WDFY3: variants seen among roughly 807,000 people sequenced by gnomAD.
WDFY3 encodes the protein WD repeat and FYVE domain containing 3.
WDFY3 carries 66 observed loss-of-function variants against 409.6 expected under a neutral mutation model. That is an observed-to-expected ratio of 0.16 (90% CI 0.13 to 0.20). The LOEUF is 0.20. Among genes scored for constraint, WDFY3 ranks in the 10% least tolerant of loss-of-function variants. The pLI is 1.00. For missense variants in WDFY3, 3,031 were observed against 4,298.1 expected (o/e 0.71, Z 8.24); for synonymous variants, 1,521 against 1,537.1 (o/e 0.99, Z 0.25).
At chr4:84,893,881 T>C (rs561140171) in intron 3 of WDFY3, among the ~76,000 whole-genome samples, 2 of 151,952 alleles carry the variant, frequency 1.3e-5, no homozygotes. Flanking sequence ...TCCCAGCTAC[T>C]CAGGAGGCTG....
At chr4:84,930,538 T>C (rs950726939) in intron 2 of WDFY3, among the ~76,000 whole-genome samples, 53 of 152,188 alleles carry the variant, frequency 3.5e-4, no homozygotes, top group African/African-American at 1.1e-3. Flanking sequence ...CTGAATAAAT[T>C]GAGGTGCACA....
rs942156903 is a variant in WDFY3 at position 84,875,651 on chromosome 4, G to A, written c.-31-15029C>T. On this transcript the variant is annotated intron_variant, in intron 3 of 67. Transcript: ENST00000295888. ...TTAAAACACAAACACACTGTACAGT[G>A]GTACAAAAATGTTTTTTCTTTATAT... Among the ~76,000 whole-genome samples the A allele has an allele frequency of 8.6e-5, 13 of 152,028 alleles. No homozygotes were observed. In the South Asian group the frequency reaches 2.1e-3, roughly 24 times the overall value.
intron 18 of WDFY3, among the ~76,000 whole-genome samples, chr4:84,797,197 T>C (rs1483202299): frequency 2.0e-5 from 3 of 152,162 alleles, no homozygotes; most frequent in Non-Finnish European, 4.4e-5. Flanking sequence ...TAGAGATAAA[T>C]GGCAGAAACT....
chr4:84,830,039 C>A (rs953324801), intron 8 of WDFY3, among the ~76,000 whole-genome samples: 2 of 152,044 alleles, frequency 1.3e-5, no homozygotes, highest in African/African-American at 4.8e-5. Flanking sequence ...TAAAGAAACT[C>A]ACTGTTACAT....
intron 25 of WDFY3, among the ~76,000 whole-genome samples, chr4:84,782,320 G>T (rs551300296): frequency 6.6e-6 from 1 of 151,950 alleles, no homozygotes; most frequent in Non-Finnish European, 1.5e-5. Flanking sequence ...AAAGTTACAC[G>T]AAATTATATA....
rs869074191 is a variant in WDFY3 at position 84,850,928 on chromosome 4, G to GTTTTTTTTTTTTTTTTTTTTTTTTTT, written c.181-929_181-904dup. 7.4e-4 allele frequency among the ~76,000 whole-genome samples: 34 copies of GTTTTTTTTTTTTTTTTTTTTTTTTTT among 46,250 alleles called. 7 individuals carry two copies. The highest frequency in any genetic ancestry group is 1.0e-3 in the Non-Finnish European group (26 of 25,882). The allele number at this position is 46,250 out of a possible 152,430, so 30.3% of individuals were successfully genotyped here. On this transcript the variant is annotated intron_variant, in intron 4 of 67. Transcript: ENST00000295888. ...TTCTTATTTTTAATTTTATTTATCT[G>GTTTTTTTTTTTTTTTTTTTTTTTTTT]TTTTTTTTTTTTTTTTTTTTTTTTT...
At chr4:84,808,948 A>G (rs534802048) in intron 14 of WDFY3, 1 of 152,480 alleles carries the variant, frequency 6.6e-6, no homozygotes, top group South Asian at 2.1e-4. Flanking sequence ...GAAATATCTC[A>G]GTTGATACTT....
At position 84,803,151 on chromosome 4, in the gene WDFY3, A is replaced by T. The variant is rs1750917233; in HGVS notation, c.2607+139T>A. ...CATGAAAGGTAACACTCAAATAAAAAAATCCTTTTTTTTCCCCTTCAGCTA... is the reference window on the plus strand; with the variant it reads ...CATGAAAGGTAACACTCAAATAAAATAATCCTTTTTTTTCCCCTTCAGCTA... On this transcript the variant is annotated intron_variant, in intron 16 of 67. Transcript: ENST00000295888. 3.3e-6 allele frequency: 3 copies of T among 921,266 alleles called. 1 individual carries two copies. The South Asian group carries it at 9.5e-5, about 29-fold the overall frequency. The allele number at this position is 921,266 out of a possible 1,614,324, so 57.1% of individuals were successfully genotyped here.
chr4:84,825,908 T>C (rs1300646391), intron 10 of WDFY3, among the ~76,000 whole-genome samples: 3 of 152,152 alleles, frequency 2.0e-5, no homozygotes, highest in Non-Finnish European at 4.4e-5. Flanking sequence ...ATGATTACTG[T>C]GCATTTTTTG....
chr4:84,849,213 G>A (rs955893287), intron 5 of WDFY3, among the ~76,000 whole-genome samples: 1 of 152,058 alleles, frequency 6.6e-6, no homozygotes, highest in Non-Finnish European at 1.5e-5. Flanking sequence ...TGGCAGCTGT[G>A]CACTGGCCTA....
chr4:84,679,112 T>G lies in WDFY3; in HGVS notation c.9954A>C (p.Ala3318=), dbSNP rs765784939. 2.5e-6 allele frequency: 4 copies of G among 1,614,100 alleles called. No homozygotes were observed. Among genetic ancestry groups the G allele is most frequent in the Non-Finnish European group, 3.4e-6 (4 of 1,180,048 alleles). The stretch of plus-strand genomic sequence containing the variant: ...CACTGTCAGTACACCAGGCGGCTGT[T>G]GCGCGGCAGGAGGCTGCCCGGGGCC... The part of the protein sequence containing the change: ...SHRPRAASCR[A]TAAWCTDSGS... Residue 3318 remains alanine, a synonymous_variant, in exon 65 of 68, where the codon GCA becomes GCC. Coordinates refer to ENST00000295888, the MANE Select transcript of WDFY3 (RefSeq NM_014991.6).
Position 84,716,943 on chromosome 4 carries a change from CA to C in WDFY3, c.7827del (p.Phe2609LeufsTer50). ...PSQLKRTCSI[F>X]AYEDIKEVHK... is the part of the protein sequence containing the mutation. ...TGAACTTCCTTGATATCTTCATATG[CA>C]AAAATGCTGCATGTTCTCTTGAGTT... On this transcript the variant is annotated frameshift_variant, in exon 49 of 68. Transcript: ENST00000295888. LOFTEE classifies it high-confidence loss of function. 1 of 1,607,780 alleles carries C rather than the reference CA, an allele frequency of 6.2e-7. No individual in the cohort carries two copies. Among genetic ancestry groups the C allele is most frequent in the South Asian group, 1.1e-5 (1 of 90,226 alleles).
chr4:84,877,633 C>T (rs1489877207), intron 3 of WDFY3, among the ~76,000 whole-genome samples: 5 of 152,158 alleles, frequency 3.3e-5, no homozygotes. Context: ...CTGACAGATG[C>T]CTCACCGTCT....
rs139486125 is a variant in WDFY3 at position 84,901,940 on chromosome 4, A to G, written c.-131-4930T>C. The stretch of plus-strand genomic sequence containing the variant: ...TGCAATATTTCCCCTGTCAAATATG[A>G]CATACTGCATGAAGAAATACTGCAA... On this transcript the variant is annotated intron_variant, in intron 2 of 67. Coordinates refer to ENST00000295888, the MANE Select transcript of WDFY3 (RefSeq NM_014991.6). Among the ~76,000 whole-genome samples, 906 of 152,316 alleles carry G rather than the reference A, an allele frequency of 5.9e-3. 2 individuals are homozygous for G. Among genetic ancestry groups the G allele is most frequent in the African/African-American group, 0.021 (881 of 41,570 alleles).
intron 2 of WDFY3, among the ~76,000 whole-genome samples, chr4:84,906,333 A>G (rs1767040999): frequency 6.6e-6 from 1 of 152,180 alleles, no homozygotes; most frequent in African/African-American, 2.4e-5. Flanking sequence ...AGTTTGTGTC[A>G]GATTCATTTT....
chr4:84,707,296 C>G (rs778250680), intron 53 of WDFY3, among the ~76,000 whole-genome samples: 1 of 152,046 alleles, frequency 6.6e-6, no homozygotes. Flanking sequence ...GTGTAGAGGG[C>G]ACACTGAAGG....
intron 3 of WDFY3, among the ~76,000 whole-genome samples, chr4:84,879,195 C>A (rs1428310954): frequency 6.6e-6 from 1 of 152,180 alleles, no homozygotes; most frequent in East Asian, 1.9e-4. Flanking sequence ...CATCACCTAT[C>A]TGCTGTTCCC....
At chr4:84,718,039 C>A (rs1234010282) in intron 48 of WDFY3, among the ~76,000 whole-genome samples, 5 of 103,162 alleles carry the variant, frequency 4.8e-5, no homozygotes, top group Non-Finnish European at 6.9e-5. Context: ...GCCGGGGTGA[C>A]AGAGTGAGAC....
chr4:84,880,123 G>A (rs1160979707), intron 3 of WDFY3, among the ~76,000 whole-genome samples: 4 of 152,148 alleles, frequency 2.6e-5, no homozygotes, highest in Non-Finnish European at 4.4e-5. Context: ...TCAGGAGAGA[G>A]AAGGAGATGT....
Sources: gnomAD v4.1 joint callset for allele counts (sites outside exome capture counted in the v4.1 genomes callset) on GRCh38, gnomAD v4.1.1 for gene constraint, MANE v1.5 for transcripts, NCBI Gene and HGNC (gene_info 2026-07-23, HGNC 2026-07-21) for gene names.